BMP2K: variants seen among roughly 807,000 people sequenced by gnomAD.
The protein encoded by BMP2K is BMP2 inducible kinase, also known as BMP-2-inducible protein kinase.
BMP2K carries 74 observed loss-of-function variants against 116.0 expected under a neutral mutation model. The ratio of observed to expected loss-of-function variants is 0.64; its 90% CI spans 0.53 to 0.77. The LOEUF (loss-of-function observed/expected upper bound fraction) is 0.77, where lower values mean the gene tolerates loss of function less well. Ranked by LOEUF, BMP2K falls within the 30% of genes least tolerant of loss-of-function variation. BMP2K has a pLI of 0.00. For missense variants in BMP2K, 1,365 were observed against 1,403.6 expected (o/e 0.97, Z 0.44); for synonymous variants, 486 against 502.5 (o/e 0.97, Z 0.44).
intron 5 of BMP2K, among the ~76,000 whole-genome samples, chr4:78,845,343 T>G (rs1429018609): frequency 6.6e-6 from 1 of 151,642 alleles, no homozygotes; most frequent in African/African-American, 2.4e-5. Flanking sequence ...TGAATTCAGT[T>G]AAACATCTTT....
intron 11 of BMP2K, among the ~76,000 whole-genome samples, chr4:78,871,437 A>G (rs2110059383): frequency 6.6e-6 from 1 of 152,176 alleles, no homozygotes; most frequent in African/African-American, 2.4e-5. Context: ...GATTTTTGTC[A>G]CCCTCCTGGT....
Position 78,870,894 on chromosome 4 carries a change from T to G in BMP2K, c.1343T>G (p.Leu448Ter), listed in dbSNP as rs1170780143. 3 of 1,612,354 alleles carry G rather than the reference T, an allele frequency of 1.9e-6. No homozygotes were observed. The highest frequency in any genetic ancestry group is 1.3e-5 in the African/African-American group (1 of 74,370). The stretch of plus-strand genomic sequence containing the variant: ...CAACTACAGCAGGGAGATTGGAGAT[T>G]ACAGCAACTCCATTTACAGCATCGT... ...LQQLQQGDWRLQQLHLQHRHP... is the reference protein window; with the variant it reads ...LQQLQQGDWR Residue 448 changes from leucine to a stop codon, truncating the protein, a stop_gained, in exon 11 of 16, where the codon TTA becomes TGA. Coordinates refer to ENST00000502613, the MANE Select transcript of BMP2K (RefSeq NM_198892.2). LOFTEE classifies it high-confidence loss of function.
chr4:78,861,413 C>T lies in BMP2K; in HGVS notation c.1012C>T (p.Pro338Ser). Residue 338 changes from proline (P) to serine (S), a missense_variant, in exon 9 of 16, where the codon CCT becomes TCT. Pro to Ser is a moderately conservative substitution (Grantham distance 74). Around this residue, in one of 3 missense-constraint regions of BMP2K, gnomAD observed 762 missense variants for 756.7 expected, o/e 1.01. Transcript: ENST00000502613. ...INNSSIPSALPEPMTASEAAA... is the reference protein window; with the variant it reads ...INNSSIPSALSEPMTASEAAA... ...GAATTCTTCTATTCCTTCAGCTCTT[C>T]CTGAACCGATGACTGCTAGTGAAGC... 1 of 1,607,590 alleles carries T rather than the reference C, an allele frequency of 6.2e-7. No homozygotes were observed. Among genetic ancestry groups the T allele is most frequent in the Non-Finnish European group, 8.5e-7 (1 of 1,175,990 alleles).
chr4:78,809,403 G>A (rs951660625), intron 1 of BMP2K, among the ~76,000 whole-genome samples: 1 of 151,470 alleles, frequency 6.6e-6, no homozygotes, highest in African/African-American at 2.4e-5. Flanking sequence ...CTTGAGACAG[G>A]GTCTGGCTCT....
At position 78,850,865 on chromosome 4, in the gene BMP2K, C is replaced by T. The variant is rs1731216517; in HGVS notation, c.751-59C>T. On this transcript the variant is annotated intron_variant, in intron 6 of 15. Transcript: ENST00000502613. ...TTTTAAAGTAACATTGAGTTTTTGG[C>T]TATTTTTGTGTCTTGTTAACTTGAG... 8 of 1,568,258 alleles carry T rather than the reference C, an allele frequency of 5.1e-6. No individual in the cohort carries two copies. The Admixed American group carries it at 1.5e-4, about 29-fold the overall frequency.
In BMP2K at chr4:78,915,009, A is replaced by G. The variant is rs766096242; in HGVS notation, c.*2976A>G. Reference sequence around the variant, plus strand: ...AGATCAGCTTTTTATGGCATTGAAGAATGTATCTGCTAAGACACAAAAATT... The same window carrying G: ...AGATCAGCTTTTTATGGCATTGAAGGATGTATCTGCTAAGACACAAAAATT... On this transcript the variant is annotated 3_prime_UTR_variant, in exon 16 of 16. Transcript: ENST00000502613. The G allele has an allele frequency of 2.6e-5, 4 of 152,046 alleles. No homozygotes were observed. Among genetic ancestry groups the G allele is most frequent in the Non-Finnish European group, 4.4e-5 (3 of 67,950 alleles). The allele number at this position is 152,046 out of a possible 1,614,324, so 9.4% of individuals were successfully genotyped here.
intron 2 of BMP2K, among the ~76,000 whole-genome samples, chr4:78,829,787 T>TTTCTTTTCTTTTCTTTTCTCTTTTCTC (rs71216237): frequency 3.6e-4 from 31 of 86,642 alleles, no homozygotes; most frequent in African/African-American, 8.0e-4. Context: ...TTTCTTTTCT[T>TTTCTTTTCTTTTCTTTTCTCTTTTCTC]TTCTCTTCTC....
chr4:78,855,334 T>C (rs1371914514), intron 7 of BMP2K, among the ~76,000 whole-genome samples: 1 of 152,104 alleles, frequency 6.6e-6, no homozygotes. Context: ...ACTTGAAGTT[T>C]GTGGGAGAGA....
In BMP2K at chr4:78,864,392, TACACCG is replaced by T. The variant is rs1162598914; in HGVS notation, c.1068-1163_1068-1158del. On this transcript the variant is annotated intron_variant, in intron 9 of 15. Transcript: ENST00000502613. ...AGATATAATTGATTACATATATATA[TACACCG>T]ATATATATATCGGTGTATATATATA... 2.0e-5 allele frequency among the ~76,000 whole-genome samples: 3 copies of T among 151,776 alleles called. No individual in the cohort carries two copies. The East Asian group carries it at 5.8e-4, about 29-fold the overall frequency.
At chr4:78,910,564 C>G in intron 15 of BMP2K, 46 bp from the exon 16 acceptor site, 1 of 1,392,778 alleles carries the variant, frequency 7.2e-7, no homozygotes, top group Non-Finnish European at 9.6e-7. Context: ...CAAGAGGATT[C>G]TGAAATGCAT....
intron 5 of BMP2K, 51 bp downstream of exon 5, chr4:78,845,100 T>C: frequency 6.8e-7 from 1 of 1,475,044 alleles, no homozygotes. Flanking sequence ...TAAGTTAACT[T>C]GAGTCTCTGG....
intron 3 of BMP2K, among the ~76,000 whole-genome samples, chr4:78,838,760 A>C (rs1358105362): frequency 2.6e-5 from 4 of 152,188 alleles, no homozygotes; most frequent in Admixed American, 2.6e-4. Flanking sequence ...TATATAGCTC[A>C]TATCCCCTTA....
chr4:78,809,779 A>G (rs1266834045), intron 1 of BMP2K, among the ~76,000 whole-genome samples: 30 of 151,094 alleles, frequency 2.0e-4, no homozygotes, highest in Non-Finnish European at 1.5e-5. Context: ...TTCTTTAGAC[A>G]TGGTTTTTAT....
chr4:78,818,419 G>A (rs1272837904), intron 1 of BMP2K, among the ~76,000 whole-genome samples: 1 of 152,178 alleles, frequency 6.6e-6, no homozygotes, highest in Non-Finnish European at 1.5e-5. Flanking sequence ...ATCCTCTCCA[G>A]CATCTGTTGT....
rs1734875008 is a variant in BMP2K at position 78,914,516 on chromosome 4, G to T, written c.*2483G>T. 1 of 151,792 alleles carries T rather than the reference G, an allele frequency of 6.6e-6. No individual in the cohort carries two copies. The highest frequency in any genetic ancestry group is 1.9e-4 in the East Asian group (1 of 5,188). 9.4% of individuals were successfully genotyped at this position (151,792 alleles called of 1,614,324 possible). A position where few individuals can be genotyped will look rare whatever the true frequency, so the allele number is the denominator to read the frequency against. Reference sequence around the variant, plus strand: ...TTCATTCATCATCCCCCAGAATCATGGTCAAGGTGTAGGTCACTCCACACA... The same window carrying T: ...TTCATTCATCATCCCCCAGAATCATTGTCAAGGTGTAGGTCACTCCACACA... On this transcript the variant is annotated 3_prime_UTR_variant, in exon 16 of 16. Transcript: ENST00000502613.
At chr4:78,812,786 A>G (rs534670991) in intron 1 of BMP2K, among the ~76,000 whole-genome samples, 1 of 152,326 alleles carries the variant, frequency 6.6e-6, no homozygotes, top group South Asian at 2.1e-4. Context: ...TGATCACAGC[A>G]CTTTGGGAGG....
intron 14 of BMP2K, among the ~76,000 whole-genome samples, chr4:78,886,651 G>A (rs540522057): frequency 6.6e-6 from 1 of 152,196 alleles, no homozygotes; most frequent in African/African-American, 2.4e-5. Context: ...GTGGGGGCAT[G>A]TGTGTTTGTG....
chr4:78,836,143 C>T (rs992379198), intron 3 of BMP2K, among the ~76,000 whole-genome samples: 20 of 151,940 alleles, frequency 1.3e-4, no homozygotes, highest in Admixed American at 4.6e-4. Context: ...ATTGGCTGGG[C>T]GCCGTGGCTC....
At chr4:78,797,093 T>A (rs1293867597) in intron 1 of BMP2K, among the ~76,000 whole-genome samples, 2 of 152,210 alleles carry the variant, frequency 1.3e-5, no homozygotes, top group Non-Finnish European at 2.9e-5. Flanking sequence ...ATTAATTTTT[T>A]AAAACATTGT....
Sources: gnomAD v4.1 joint callset for allele counts (sites outside exome capture counted in the v4.1 genomes callset) on GRCh38, gnomAD v4.1.1 for gene constraint, gnomAD v4.1.1 regional missense constraint, MANE v1.5 for transcripts, NCBI Gene and HGNC (gene_info 2026-07-23, HGNC 2026-07-21) for gene names.